The following TMEM132C variants were observed in gnomAD, a reference collection of about 807,000 sequenced individuals.
TMEM132C encodes transmembrane protein 132C.
Under a neutral mutation model 61.4 loss-of-function variants are expected in TMEM132C, and 29 were observed. The observed-to-expected ratio is 0.47, with a 90% CI of 0.35 to 0.64. The LOEUF is 0.64. Among genes scored for constraint, TMEM132C ranks in the 30% least tolerant of loss-of-function variants. The pLI, the probability that TMEM132C is intolerant of heterozygous loss-of-function variation, is 0.00. For synonymous variants in TMEM132C, 656 were observed against 633.1 expected, an observed-to-expected ratio of 1.04 and a Z score of -0.54; for missense variants, 1,408 against 1,476.9, an observed-to-expected ratio of 0.95 and a Z score of 0.76.
intron 8 of TMEM132C, among the ~76,000 whole-genome samples, chr12:128,699,200 T>C (rs1163605496): frequency 6.6e-6 from 1 of 152,208 alleles, no homozygotes; most frequent in Admixed American, 6.5e-5. Context: ...TGATGCTCAG[T>C]GCTCAGAGAT....
intron 3 of TMEM132C, among the ~76,000 whole-genome samples, chr12:128,593,143 CCCTCTCT>C (rs1049938637): frequency 5.3e-5 from 8 of 151,278 alleles, no homozygotes; most frequent in Admixed American, 2.0e-4. Flanking sequence ...CCACCTTCTT[CCCTCTCT>C]CCTCTCTCCT....
chr12:128,332,069 C>T (rs1009213291), intron 1 of TMEM132C, among the ~76,000 whole-genome samples: 1 of 152,180 alleles, frequency 6.6e-6, no homozygotes, highest in Non-Finnish European at 1.5e-5. Flanking sequence ...TTTTATGGGA[C>T]ATATGATGAT....
At chr12:128,592,585 G>C (rs1031377473) in intron 3 of TMEM132C, among the ~76,000 whole-genome samples, 2 of 152,218 alleles carry the variant, frequency 1.3e-5, no homozygotes, top group Non-Finnish European at 2.9e-5. Flanking sequence ...TGGCAGCCAG[G>C]CTGTGACAAT....
At chr12:128,615,270 A>G (rs12819231) in intron 3 of TMEM132C, among the ~76,000 whole-genome samples, 42,577 of 152,156 alleles carry the variant, frequency 0.28, 7,131 homozygotes, top group Middle Eastern at 0.39. Context: ...TTCATGGAAG[A>G]CAATTTTTCC....
Position 128,282,715 on chromosome 12 carries a change from A to G in TMEM132C, c.85+15228A>G, listed in dbSNP as rs546981214. Among the ~76,000 whole-genome samples, 50 of 152,314 alleles carry G rather than the reference A, an allele frequency of 3.3e-4. 1 individual carries two copies. The East Asian group carries it at 9.1e-3, about 28-fold the overall frequency. On this transcript the variant is annotated intron_variant, in intron 1 of 8. Transcript: ENST00000435159. ...GGATTGCACATTGCAGTTAGTTGTC[A>G]TGGGTTTTTACTTTTTTTCAGTCTT...
At chr12:128,335,372 G>A (rs1219213970) in intron 1 of TMEM132C, among the ~76,000 whole-genome samples, 1 of 152,202 alleles carries the variant, frequency 6.6e-6, no homozygotes, top group Non-Finnish European at 1.5e-5. Flanking sequence ...AGGTACATTT[G>A]TGTATTGGCC....
chr12:128,340,235 A>T (rs1056947776), intron 1 of TMEM132C, among the ~76,000 whole-genome samples: 6 of 152,162 alleles, frequency 3.9e-5, no homozygotes, highest in African/African-American at 1.4e-4. Context: ...TAGTGTTCAC[A>T]TTGAAAATGT....
At chr12:128,340,797 C>T (rs1230853113) in intron 1 of TMEM132C, among the ~76,000 whole-genome samples, 4 of 137,718 alleles carry the variant, frequency 2.9e-5, no homozygotes, top group East Asian at 2.0e-4. Context: ...CTCTCTCTCT[C>T]TCTTTCTTTC....
intron 2 of TMEM132C, among the ~76,000 whole-genome samples, chr12:128,536,850 T>A (rs1873552427): frequency 1.3e-5 from 2 of 152,148 alleles, no homozygotes; most frequent in African/African-American, 4.8e-5. Context: ...TTCATACATT[T>A]GGAAAGAAGA....
intron 5 of TMEM132C, among the ~76,000 whole-genome samples, chr12:128,686,637 G>C (rs1954679319): frequency 6.6e-6 from 1 of 152,126 alleles, no homozygotes; most frequent in Admixed American, 6.5e-5. Context: ...TGTGATGGGA[G>C]GCCACCAGTT....
chr12:128,641,144 C>A (rs1449207511), intron 4 of TMEM132C, among the ~76,000 whole-genome samples: 6 of 152,082 alleles, frequency 3.9e-5, no homozygotes, highest in Non-Finnish European at 8.8e-5. Flanking sequence ...AGACGGTGCC[C>A]CCTTCACACA....
intron 1 of TMEM132C, among the ~76,000 whole-genome samples, chr12:128,383,311 A>G (rs149245944): frequency 2.0e-5 from 3 of 152,256 alleles, no homozygotes; most frequent in Non-Finnish European, 2.9e-5. Context: ...CAAGGGGTGG[A>G]TGCATTTTCA....
At chr12:128,545,606 T>C (rs1469835855) in intron 3 of TMEM132C, among the ~76,000 whole-genome samples, 1 of 152,256 alleles carries the variant, frequency 6.6e-6, no homozygotes, top group Non-Finnish European at 1.5e-5. Flanking sequence ...TTCTCTGCAA[T>C]GTCTCCAGCG....
At chr12:128,346,235 T>C (rs1025491975) in intron 1 of TMEM132C, among the ~76,000 whole-genome samples, 15 of 152,050 alleles carry the variant, frequency 9.9e-5, no homozygotes, top group African/African-American at 3.6e-4. Flanking sequence ...CTTATTTCTG[T>C]TTTTTTATTC....
chr12:128,596,381 G>A (rs1875951371), intron 3 of TMEM132C, among the ~76,000 whole-genome samples: 2 of 149,474 alleles, frequency 1.3e-5, no homozygotes, highest in Admixed American at 1.3e-4. Flanking sequence ...TACAGAGTGG[G>A]CAGGGCTTGA....
chr12:128,281,590 C>A (rs1339675741), intron 1 of TMEM132C, among the ~76,000 whole-genome samples: 2 of 152,256 alleles, frequency 1.3e-5, no homozygotes, highest in African/African-American at 2.4e-5. Context: ...CTGTCCTGCT[C>A]TGAACCCTAG....
intron 3 of TMEM132C, among the ~76,000 whole-genome samples, chr12:128,555,413 T>C (rs577832665): frequency 6.6e-6 from 1 of 152,328 alleles, no homozygotes; most frequent in Non-Finnish European, 1.5e-5. Flanking sequence ...ATTTGAAGAT[T>C]GCAAACTACC....
At chr12:128,512,579 T>G (rs1872600377) in intron 2 of TMEM132C, among the ~76,000 whole-genome samples, 1 of 152,246 alleles carries the variant, frequency 6.6e-6, no homozygotes, top group South Asian at 2.1e-4. Flanking sequence ...GAAGTAATGC[T>G]TCAACAGATA....
At chr12:128,531,333 T>G (rs1873293567) in intron 2 of TMEM132C, among the ~76,000 whole-genome samples, 1 of 151,952 alleles carries the variant, frequency 6.6e-6, no homozygotes, top group South Asian at 2.1e-4. Context: ...CCAAAAGGGG[T>G]CAGTGTTTGA....
Sources: allele counts gnomAD v4.1 joint callset (sites outside exome capture counted in the v4.1 genomes callset), GRCh38; gene constraint gnomAD v4.1.1; transcripts MANE v1.5; gene names NCBI Gene and HGNC (gene_info 2026-07-23, HGNC 2026-07-21).